Variants in CASS4 observed in about 807,000 individuals in gnomAD.
CASS4 encodes Cas scaffold protein family member 4.
CASS4 carries 22 observed loss-of-function variants against 54.2 expected under a neutral mutation model. The ratio of observed to expected loss-of-function variants is 0.41; its 90% CI spans 0.29 to 0.58. CASS4 has a LOEUF of 0.58. Among genes scored for constraint, CASS4 ranks in the 20% least tolerant of loss-of-function variants. CASS4 has a pLI of 0.36. For synonymous variants in CASS4, 409 were observed against 391.5 expected, an observed-to-expected ratio of 1.04 and a Z score of -0.53; for missense variants, 854 against 986.7, an observed-to-expected ratio of 0.87 and a Z score of 1.80.
At chr20:56,426,171 C>T (rs186986396) in intron 1 of CASS4, among the ~76,000 whole-genome samples, 1 of 152,316 alleles carries the variant, frequency 6.6e-6, no homozygotes, top group Admixed American at 6.5e-5. Flanking sequence ...ACTCCAGACC[C>T]AAAACTGCCT....
Position 56,453,043 on chromosome 20 carries a change from C to A in CASS4, c.1867C>A (p.Gln623Lys). The A allele has an allele frequency of 6.2e-7, 1 of 1,614,026 alleles. No individual in the cohort carries two copies. The highest frequency in any genetic ancestry group is 8.5e-7 in the Non-Finnish European group (1 of 1,180,002). The part of the protein sequence containing the change: ...QPPQRETESH[Q>K]KSTPSTKQRE... ...TCCCCAAAGAGAAACTGAATCACAC[C>A]AAAAGAGTACCCCTTCCACTAAGCA... The change falls in exon 5 of 6, where the codon CAA becomes AAA. Residue 623 changes from glutamine to lysine, a missense_variant. Coordinates refer to ENST00000679887, the MANE Select transcript of CASS4 (RefSeq NM_020356.4).
chr20:56,431,447 T>C (rs1979899340), intron 1 of CASS4, among the ~76,000 whole-genome samples: 1 of 152,196 alleles, frequency 6.6e-6, no homozygotes, highest in South Asian at 2.1e-4. Flanking sequence ...CCATACAGTG[T>C]TTCATTCATA....
intron 1 of CASS4, among the ~76,000 whole-genome samples, chr20:56,413,479 C>G (rs1013209224): frequency 6.6e-6 from 1 of 151,760 alleles, no homozygotes; most frequent in Non-Finnish European, 1.5e-5. Context: ...TTGAGACCAG[C>G]CTGATCAACA....
At chr20:56,445,761 C>G (rs1415622587) in intron 2 of CASS4, 139 bp from the exon 3 acceptor site, 2 of 604,096 alleles carry the variant, frequency 3.3e-6, no homozygotes, top group East Asian at 2.9e-5. Flanking sequence ...GAGTGAAGAG[C>G]CTGCCAGCGG....
At chr20:56,417,553 A>C (rs1276879221) in intron 1 of CASS4, among the ~76,000 whole-genome samples, 1 of 152,256 alleles carries the variant, frequency 6.6e-6, no homozygotes, top group Non-Finnish European at 1.5e-5. Context: ...TCTGGGAACG[A>C]AACTCCATGA....
intron 2 of CASS4, among the ~76,000 whole-genome samples, chr20:56,439,081 T>C (rs1336943392): frequency 6.6e-6 from 1 of 152,246 alleles, no homozygotes; most frequent in Non-Finnish European, 1.5e-5. Context: ...GGGTAGGTGC[T>C]CAATACATAT....
chr20:56,451,986 C>T lies in CASS4; in HGVS notation c.810C>T (p.His270=), dbSNP rs1354226008. 3.7e-6 allele frequency: 6 copies of T among 1,614,092 alleles called. No homozygotes were observed. In the African/African-American group the frequency reaches 4.0e-5, roughly 11 times the overall value. Residue 270 remains histidine, a synonymous_variant, in exon 5 of 6, where the codon CAC becomes CAT. Coordinates refer to ENST00000679887, the MANE Select transcript of CASS4 (RefSeq NM_020356.4). The part of the protein sequence containing the change: ...LTSFAEESRP[H]ALPSSSSTFY... The stretch of plus-strand genomic sequence containing the variant: ...GCTTTGCGGAAGAATCAAGGCCCCA[C>T]GCTCTCCCCAGTTCCAGCTCCACTT...
chr20:56,417,166 G>A (rs1377220390), intron 1 of CASS4, among the ~76,000 whole-genome samples: 5 of 152,228 alleles, frequency 3.3e-5, no homozygotes, highest in East Asian at 3.8e-4. Context: ...GTGAGGCTTC[G>A]TTTGTGAGTG....
intron 1 of CASS4, among the ~76,000 whole-genome samples, chr20:56,433,018 C>G (rs1389657723): frequency 1.3e-5 from 2 of 152,214 alleles, no homozygotes; most frequent in Non-Finnish European, 2.9e-5. Flanking sequence ...TCACGCCTCT[C>G]TTTCATTCAT....
At position 56,433,820 on chromosome 20, in the gene CASS4, GGCAGGAAT is replaced by G. The variant is rs1980028574; in HGVS notation, c.37-3341_37-3334del. ...ATGGAGAAGAGAGGAAATCTCTACA[GGCAGGAAT>G]GCCCCTCACAATACACATGCCCCTA... On this transcript the variant is annotated intron_variant, in intron 1 of 5. Coordinates refer to ENST00000679887, the MANE Select transcript of CASS4 (RefSeq NM_020356.4). Among the ~76,000 whole-genome samples, 7 of 152,264 alleles carry G rather than the reference GGCAGGAAT, an allele frequency of 4.6e-5. No individual in the cohort carries two copies. The South Asian group carries it at 1.4e-3, about 32-fold the overall frequency.
intron 1 of CASS4, among the ~76,000 whole-genome samples, chr20:56,428,756 C>T (rs919938770): frequency 6.6e-6 from 1 of 152,132 alleles, no homozygotes; most frequent in Non-Finnish European, 1.5e-5. Context: ...TTGGAAAGGC[C>T]GTGCAGAGTA....
chr20:56,444,702 G>C (rs944684252), intron 2 of CASS4, among the ~76,000 whole-genome samples: 5 of 152,198 alleles, frequency 3.3e-5, no homozygotes, highest in Non-Finnish European at 5.9e-5. Flanking sequence ...CAACATCATT[G>C]AGCTCTGGAG....
intron 1 of CASS4, among the ~76,000 whole-genome samples, chr20:56,416,528 CGTGTGTGT>C (rs3219626): frequency 6.7e-5 from 10 of 149,096 alleles, no homozygotes; most frequent in African/African-American, 2.0e-4. Context: ...TGTTTACTTC[CGTGTGTGT>C]GTGTGTGTGT....
At chr20:56,442,014 A>G (rs1980484922) in intron 2 of CASS4, among the ~76,000 whole-genome samples, 1 of 152,010 alleles carries the variant, frequency 6.6e-6, no homozygotes, top group South Asian at 2.1e-4. Flanking sequence ...CCCAGAAAAT[A>G]CATTCCAAAT....
In CASS4 at chr20:56,460,286, C is replaced by CA. The variant is rs1267050907; in HGVS notation, c.*1543dup. The stretch of plus-strand genomic sequence containing the variant: ...CTGTTACAATTTATATTGGTTGGTG[C>CA]AAAAGTAATTGCGGTTTTTGCCGTA... On this transcript the variant is annotated 3_prime_UTR_variant, in exon 6 of 6. Transcript: ENST00000679887. The CA allele has an allele frequency of 6.6e-6, 1 of 151,592 alleles. No homozygotes were observed. The highest frequency in any genetic ancestry group is 1.5e-5 in the Non-Finnish European group (1 of 67,814). 9.4% of individuals were successfully genotyped at this position (151,592 alleles called of 1,614,324 possible).
At chr20:56,444,830 G>T (rs1980627426) in intron 2 of CASS4, among the ~76,000 whole-genome samples, 1 of 152,164 alleles carries the variant, frequency 6.6e-6, no homozygotes, top group Non-Finnish European at 1.5e-5. Context: ...ATAAATCGGG[G>T]CCAGGCGCGG....
At position 56,412,438 on chromosome 20, in the gene CASS4, G is replaced by A. The variant is rs755654980; in HGVS notation, c.-21G>A. Reference sequence around the variant, plus strand: ...GAGATACTAGCTGCAGAGCTCAGGGGAGCTGCTCCACATCACCGACATGAA... The same window carrying A: ...GAGATACTAGCTGCAGAGCTCAGGGAAGCTGCTCCACATCACCGACATGAA... On this transcript the variant is annotated 5_prime_UTR_variant, in exon 1 of 6. Transcript: ENST00000679887. The surrounding 1 kb of genome is among the most constrained non-coding windows in gnomAD (Gnocchi z 4.2). 1.9e-6 allele frequency: 3 copies of A among 1,611,746 alleles called. No individual in the cohort carries two copies. The highest frequency in any genetic ancestry group is 1.7e-6 in the Non-Finnish European group (2 of 1,178,934).
Position 56,452,034 on chromosome 20 carries a change from A to T in CASS4, c.858A>T (p.Arg286Ser), listed in dbSNP as rs372172040. ...SSTFYNPPSG[R>S]SRSLTPQLNN... ...CTTTCTACAATCCTCCAAGTGGCAG[A>T]TCCAGGTCCCTCACTCCACAACTGA... The change falls in exon 5 of 6, where the codon AGA becomes AGT. Residue 286 changes from arginine (R) to serine (S), a missense_variant. Arg to Ser is a moderately radical substitution (Grantham distance 110). Coordinates refer to ENST00000679887, the MANE Select transcript of CASS4 (RefSeq NM_020356.4). 2.5e-6 allele frequency: 4 copies of T among 1,614,076 alleles called. No individual in the cohort carries two copies. The African/African-American group carries it at 5.3e-5, about 22-fold the overall frequency.
At chr20:56,420,318 CTG>C (rs905606380) in intron 1 of CASS4, among the ~76,000 whole-genome samples, 1 of 152,104 alleles carries the variant, frequency 6.6e-6, no homozygotes, top group Non-Finnish European at 1.5e-5. Context: ...AGGGTCATCC[CTG>C]TGTCTTGGAG....
Sources: allele counts gnomAD v4.1 joint callset (sites outside exome capture counted in the v4.1 genomes callset), GRCh38; gene constraint gnomAD v4.1.1; non-coding constraint Gnocchi (gnomAD v3.1); transcripts MANE v1.5; gene names NCBI Gene and HGNC (gene_info 2026-07-23, HGNC 2026-07-21).